TPST1: variants seen among roughly 807,000 people sequenced by gnomAD.
The protein encoded by TPST1 is protein-tyrosine sulfotransferase 1.
Under a neutral mutation model 34.8 loss-of-function variants are expected in TPST1, and 20 were observed. That is an observed-to-expected ratio of 0.57 (90% CI 0.40 to 0.84). The LOEUF (loss-of-function observed/expected upper bound fraction) is 0.84, where lower values mean the gene tolerates loss of function less well. Among genes scored for constraint, TPST1 ranks in the 40% least tolerant of loss-of-function variants. The probability of loss-of-function intolerance (pLI) is 0.00; values close to 1 mark genes in which losing one functional copy is unlikely to be tolerated. For synonymous variants in TPST1, 152 were observed against 159.4 expected (o/e 0.95, Z 0.35); for missense variants, 353 against 455.5 (o/e 0.78, Z 2.05).
intron 2 of TPST1, among the ~76,000 whole-genome samples, chr7:66,262,702 A>G (rs571140093): frequency 6.6e-6 from 1 of 152,154 alleles, no homozygotes; most frequent in Non-Finnish European, 1.5e-5. Context: ...TAGACTTTCC[A>G]TTTCCTCTTC....
chr7:66,225,387 G>A (rs1467908013), intron 1 of TPST1, among the ~76,000 whole-genome samples: 3 of 151,706 alleles, frequency 2.0e-5, no homozygotes, highest in East Asian at 2.0e-4. Flanking sequence ...TGAGGCGGGC[G>A]GATCACCTGA....
At chr7:66,274,238 G>T (rs1434148454) in intron 2 of TPST1, among the ~76,000 whole-genome samples, 1 of 151,832 alleles carries the variant, frequency 6.6e-6, no homozygotes, top group Non-Finnish European at 1.5e-5. Flanking sequence ...TGTGGTGGTG[G>T]GTGCCTGTAA....
chr7:66,337,528 C>T (rs1030784587), intron 3 of TPST1, among the ~76,000 whole-genome samples: 6 of 151,922 alleles, frequency 3.9e-5, no homozygotes, highest in Non-Finnish European at 7.4e-5. Context: ...AGGCTGGTCT[C>T]GAACTCCTGA....
intron 1 of TPST1, among the ~76,000 whole-genome samples, chr7:66,206,478 G>A (rs568900613): frequency 6.6e-6 from 1 of 152,286 alleles, no homozygotes; most frequent in Admixed American, 6.5e-5. Flanking sequence ...AATGGTATGG[G>A]AGATGGCAGG....
chr7:66,356,787 T>G (rs1792590825), intron 4 of TPST1, 38 bp from the exon 5 acceptor site: 1 of 1,614,068 alleles, frequency 6.2e-7, no homozygotes, highest in Non-Finnish European at 8.5e-7. Context: ...GCTGACCAAC[T>G]TCAAGGACAT....
At position 66,338,364 on chromosome 7, in the gene TPST1, T is replaced by G. The variant is rs534035858; in HGVS notation, c.1045-14141T>G. Among the ~76,000 whole-genome samples the G allele has an allele frequency of 7.9e-5, 12 of 152,174 alleles. No individual in the cohort carries two copies. The South Asian group carries it at 1.7e-3, about 21-fold the overall frequency. ...ATATTAATAGACCTAAAGAGAGAGA[T>G]AGACTGCAATACAGTAATACTAGGG... is the stretch of plus-strand genomic sequence containing the variant. On this transcript the variant is annotated intron_variant, in intron 3 of 5. Coordinates refer to ENST00000304842, the MANE Select transcript of TPST1 (RefSeq NM_003596.4).
At chr7:66,258,361 A>C (rs930021383) in intron 2 of TPST1, among the ~76,000 whole-genome samples, 24 of 152,202 alleles carry the variant, frequency 1.6e-4, no homozygotes, top group Admixed American at 2.6e-4. Context: ...CTCACCTGTG[A>C]ATAGTATTTC....
chr7:66,280,848 TGTAAG>T (rs1484967306), intron 2 of TPST1, among the ~76,000 whole-genome samples: 10 of 152,226 alleles, frequency 6.6e-5, no homozygotes, highest in African/African-American at 2.4e-4. Flanking sequence ...GCATTAGAAT[TGTAAG>T]GTACTATTTA....
rs1016361502 is a variant in TPST1 at position 66,352,933 on chromosome 7, C to T, written c.1095+378C>T. 6.1e-6 allele frequency: 6 copies of T among 985,306 alleles called. No homozygotes were observed. The African/African-American group carries it at 7.0e-5, about 11-fold the overall frequency. The allele number at this position is 985,306 out of a possible 1,614,324, so 61.0% of individuals were successfully genotyped here. On this transcript the variant is annotated intron_variant, in intron 4 of 5. Transcript: ENST00000304842. ...CTCTGTTCCTACTCTGTGTACTGTA[C>T]ATCCTTGCCCCTTTGACTTTTCTCA... is the stretch of plus-strand genomic sequence containing the variant.
At position 66,295,193 on chromosome 7, in the gene TPST1, T is replaced by C. The variant is rs182022426; in HGVS notation, c.1044+8484T>C. On this transcript the variant is annotated intron_variant, in intron 3 of 5. Transcript: ENST00000304842. The stretch of plus-strand genomic sequence containing the variant: ...ATTTTTAAAAGGTGTTTGATATCTA[T>C]TGATACTAAAAAACCTTTGGGCTGG... Among the ~76,000 whole-genome samples, 330 of 152,318 alleles carry C rather than the reference T, an allele frequency of 2.2e-3. 1 individual carries two copies. The highest frequency in any genetic ancestry group is 6.8e-3 in the Middle Eastern group (2 of 294).
At chr7:66,210,238 G>A (rs569923658) in intron 1 of TPST1, among the ~76,000 whole-genome samples, 1 of 152,158 alleles carries the variant, frequency 6.6e-6, no homozygotes, top group Non-Finnish European at 1.5e-5. Context: ...GGTAATGGTG[G>A]TTCTGTTCAT....
At chr7:66,296,523 T>G (rs1361229238) in intron 3 of TPST1, among the ~76,000 whole-genome samples, 1 of 151,930 alleles carries the variant, frequency 6.6e-6, no homozygotes, top group East Asian at 1.9e-4. Context: ...TGAAAAGAGA[T>G]TGTTGACCGT....
At chr7:66,313,637 T>G (rs1157654474) in intron 3 of TPST1, among the ~76,000 whole-genome samples, 1 of 152,168 alleles carries the variant, frequency 6.6e-6, no homozygotes, top group Non-Finnish European at 1.5e-5. Context: ...CAGGATTTCA[T>G]GAAACAAAGA....
intron 3 of TPST1, among the ~76,000 whole-genome samples, chr7:66,342,297 G>A (rs1792253079): frequency 6.6e-6 from 1 of 152,138 alleles, no homozygotes; most frequent in Admixed American, 6.6e-5. Flanking sequence ...TGCATACTGA[G>A]AATCACAGAT....
Position 66,241,210 on chromosome 7 carries a change from A to G in TPST1, c.785A>G (p.Asn262Ser). ...TLLKFLQIPW[N>S]HSVLHHEEMI... Reference sequence around the variant, plus strand: ...TTAAAGTTCCTCCAGATTCCATGGAACCACTCAGTATTGCACCATGAAGAG... The same window carrying G: ...TTAAAGTTCCTCCAGATTCCATGGAGCCACTCAGTATTGCACCATGAAGAG... The change falls in exon 2 of 6, where the codon AAC (asparagine) becomes AGC (serine). Residue 262 changes from asparagine (N) to serine (S), a missense_variant. Coordinates refer to ENST00000304842, the MANE Select transcript of TPST1 (RefSeq NM_003596.4). The G allele has an allele frequency of 1.2e-6, 2 of 1,614,192 alleles. No homozygotes were observed. The highest frequency in any genetic ancestry group is 1.7e-6 in the Non-Finnish European group (2 of 1,180,010).
chr7:66,199,833 C>T, the TPST1 span, among the ~76,000 whole-genome samples: 1 of 151,994 alleles, frequency 6.6e-6, no homozygotes, highest in African/African-American at 2.4e-5. Flanking sequence ...ACTGCCTCAG[C>T]CTCCTGAGTT....
intron 2 of TPST1, among the ~76,000 whole-genome samples, chr7:66,270,981 A>G (rs762379211): frequency 6.6e-6 from 1 of 152,118 alleles, no homozygotes; most frequent in Non-Finnish European, 1.5e-5. Flanking sequence ...TTGCCTCTAT[A>G]TTTTTTGGTT....
intron 2 of TPST1, among the ~76,000 whole-genome samples, chr7:66,242,559 A>G (rs1790057718): frequency 6.6e-6 from 1 of 152,208 alleles, no homozygotes; most frequent in South Asian, 2.1e-4. Flanking sequence ...TATTGATTCA[A>G]AGAAAATTTC....
intron 3 of TPST1, among the ~76,000 whole-genome samples, chr7:66,340,004 TC>T (rs1792202807): frequency 6.6e-6 from 1 of 152,072 alleles, no homozygotes; most frequent in African/African-American, 2.4e-5. Context: ...GAATTCAGCA[TC>T]CCTTCTTGAT....
Sources: gnomAD v4.1 joint callset for allele counts (sites outside exome capture counted in the v4.1 genomes callset) on GRCh38, gnomAD v4.1.1 for gene constraint, MANE v1.5 for transcripts, NCBI Gene and HGNC (gene_info 2026-07-23, HGNC 2026-07-21) for gene names.